EVC2: variants seen among roughly 807,000 people sequenced by gnomAD.
EVC2 encodes limbin.
Under a neutral mutation model 149.3 loss-of-function variants are expected in EVC2, and 148 were observed. That is an observed-to-expected ratio of 0.99 (90% CI 0.87 to 1.14). The LOEUF is 1.14. EVC2 is among the 50% of genes most tolerant of loss of function. The pLI is 0.00. For synonymous variants in EVC2, 776 were observed against 649.9 expected, an observed-to-expected ratio of 1.19 and a Z score of -2.95; for missense variants, 1,854 against 1,627.3, an observed-to-expected ratio of 1.14 and a Z score of -2.40.
rs193141240 is a variant in EVC2 at position 5,671,072 on chromosome 4, A to G, written c.871-5423T>C. Among the ~76,000 whole-genome samples the G allele has an allele frequency of 2.0e-3, 309 of 152,364 alleles. 4 individuals carry two copies. Among genetic ancestry groups the G allele is most frequent in the Non-Finnish European group, 1.9e-3 (129 of 68,026 alleles). ...ATACTAAGCACCAGGGATGGATCCA[A>G]GTGCTTTACATGTATTAATCCATTT... On this transcript the variant is annotated intron_variant, in intron 7 of 21. Coordinates refer to ENST00000344408, the MANE Select transcript of EVC2 (RefSeq NM_147127.5).
intron 17 of EVC2, among the ~76,000 whole-genome samples, chr4:5,582,839 T>C (rs903116924): frequency 3.9e-5 from 6 of 152,174 alleles, no homozygotes; most frequent in Non-Finnish European, 2.9e-5. Flanking sequence ...TTATGAGATC[T>C]GGTTGTTTAA....
chr4:5,592,095 T>C (rs1292068060), intron 16 of EVC2, among the ~76,000 whole-genome samples: 1 of 152,164 alleles, frequency 6.6e-6, no homozygotes, highest in Non-Finnish European at 1.5e-5. Flanking sequence ...TACAACTAGA[T>C]GCAAGGGTGA....
At chr4:5,611,713 G>A (rs1047231543) in intron 16 of EVC2, among the ~76,000 whole-genome samples, 1 of 152,056 alleles carries the variant, frequency 6.6e-6, no homozygotes, top group Non-Finnish European at 1.5e-5. Context: ...AAAAGGCAAA[G>A]AAAACAATAT....
At chr4:5,595,690 C>G (rs551281312) in intron 16 of EVC2, among the ~76,000 whole-genome samples, 8 of 152,108 alleles carry the variant, frequency 5.3e-5, no homozygotes, top group African/African-American at 1.9e-4. Context: ...CTAACATCAT[C>G]ATGACAGGAT....
At chr4:5,653,530 T>C (rs1718288968) in intron 9 of EVC2, among the ~76,000 whole-genome samples, 2 of 152,174 alleles carry the variant, frequency 1.3e-5, no homozygotes, top group South Asian at 2.1e-4. Flanking sequence ...GCTGGGACAA[T>C]GCTCTTTCCC....
At chr4:5,588,680 G>A (rs948406117) in intron 16 of EVC2, among the ~76,000 whole-genome samples, 3 of 152,062 alleles carry the variant, frequency 2.0e-5, no homozygotes, top group Admixed American at 2.0e-4. Context: ...GTGTGTGTGT[G>A]TATATTCAAA....
At chr4:5,579,944 G>A (rs144329825) in intron 17 of EVC2, among the ~76,000 whole-genome samples, 136 of 152,214 alleles carry the variant, frequency 8.9e-4, no homozygotes, top group African/African-American at 2.8e-3. Flanking sequence ...ATTTGTTTGG[G>A]GTCACATTAT....
chr4:5,672,961 A>T (rs1343647043), intron 7 of EVC2, among the ~76,000 whole-genome samples: 1 of 152,198 alleles, frequency 6.6e-6, no homozygotes, highest in African/African-American at 2.4e-5. Flanking sequence ...CAGAGACAGA[A>T]GCAGATGAGT....
At chr4:5,668,734 C>T (rs1014609414) in intron 7 of EVC2, among the ~76,000 whole-genome samples, 4 of 152,062 alleles carry the variant, frequency 2.6e-5, no homozygotes, top group African/African-American at 9.7e-5. Context: ...TTTTCATCTT[C>T]GAGAAGAGGG....
Position 5,582,936 on chromosome 4 carries a change from T to A in EVC2, c.3057+1687A>T, listed in dbSNP as rs1027899956. On this transcript the variant is annotated intron_variant, in intron 17 of 21. Coordinates refer to ENST00000344408, the MANE Select transcript of EVC2 (RefSeq NM_147127.5). Reference sequence around the variant, plus strand: ...CTTCCCCTTCACCTTCTACCATGATTGTAAGTTTCCTGAGTCCTCCCCAGA... The same window carrying A: ...CTTCCCCTTCACCTTCTACCATGATAGTAAGTTTCCTGAGTCCTCCCCAGA... 4.6e-5 allele frequency among the ~76,000 whole-genome samples: 7 copies of A among 152,200 alleles called. No homozygotes were observed. The South Asian group carries it at 1.4e-3, about 32-fold the overall frequency.
At chr4:5,607,942 A>C (rs1478872768) in intron 16 of EVC2, among the ~76,000 whole-genome samples, 1 of 151,768 alleles carries the variant, frequency 6.6e-6, no homozygotes, top group Admixed American at 6.6e-5. Context: ...GAGAAAGGGG[A>C]GGAGACAGGG....
chr4:5,570,568 A>G (rs900141311), intron 19 of EVC2, among the ~76,000 whole-genome samples: 1 of 152,262 alleles, frequency 6.6e-6, no homozygotes, highest in African/African-American at 2.4e-5. Context: ...TAGTTCAACC[A>G]CTATGGAAAA....
At chr4:5,535,087 C>A in the EVC2 span, among the ~76,000 whole-genome samples, 1 of 152,144 alleles carries the variant, frequency 6.6e-6, no homozygotes, top group East Asian at 1.9e-4. The surrounding 1 kb of genome is among the most constrained non-coding windows in gnomAD (Gnocchi z 4.7). Context: ...CCGCCACCCC[C>A]AGACTCCTCA....
At chr4:5,630,122 C>T (rs955343940) in intron 11 of EVC2, among the ~76,000 whole-genome samples, 3 of 152,180 alleles carry the variant, frequency 2.0e-5, no homozygotes, top group African/African-American at 7.2e-5. Context: ...TTTATGTATG[C>T]TCACTGAGGA....
chr4:5,611,231 G>A (rs1480903345), intron 16 of EVC2, among the ~76,000 whole-genome samples: 2 of 152,168 alleles, frequency 1.3e-5, no homozygotes, highest in East Asian at 1.9e-4. Context: ...CACATGCCTG[G>A]TGGTGGACCC....
Position 5,562,445 on chromosome 4 carries a change from C to T in EVC2, c.*403G>A, listed in dbSNP as rs538386655. On this transcript the variant is annotated 3_prime_UTR_variant, in exon 22 of 22. Transcript: ENST00000344408. This position sits in a 1 kb window ranked among gnomAD's most constrained non-coding sequence, Gnocchi z 4.3. Reference sequence around the variant, plus strand: ...GGGTTTTGTAATAAACAGCTTTGTGCAAAACACATTTATTTTTTAAAATTC... The same window carrying T: ...GGGTTTTGTAATAAACAGCTTTGTGTAAAACACATTTATTTTTTAAAATTC... 5.7e-6 allele frequency: 6 copies of T among 1,052,256 alleles called. No homozygotes were observed. Among genetic ancestry groups the T allele is most frequent in the Non-Finnish European group, 6.9e-6 (6 of 865,296 alleles). 65.2% of individuals were successfully genotyped at this position (1,052,256 alleles called of 1,614,324 possible). A position where few individuals can be genotyped will look rare whatever the true frequency, so the allele number is the denominator to read the frequency against.
Position 5,698,896 on chromosome 4 carries a change from G to C in EVC2, c.229-1249C>G, listed in dbSNP as rs1721652867. Among the ~76,000 whole-genome samples, 3 of 152,232 alleles carry C rather than the reference G, an allele frequency of 2.0e-5. No individual in the cohort carries two copies. The South Asian group carries it at 6.2e-4, about 31-fold the overall frequency. On this transcript the variant is annotated intron_variant, in intron 1 of 21. Coordinates refer to ENST00000344408, the MANE Select transcript of EVC2 (RefSeq NM_147127.5). ...GCTTTGGGTCCAGTTCCAATGACTAGTCCATGTGGCTACTGTTCACATGGC... is the reference window on the plus strand; with the variant it reads ...GCTTTGGGTCCAGTTCCAATGACTACTCCATGTGGCTACTGTTCACATGGC...
At chr4:5,560,572 G>T, downstream of EVC2, among the ~76,000 whole-genome samples, 1 of 152,114 alleles carries the variant, frequency 6.6e-6, no homozygotes, top group East Asian at 1.9e-4. The surrounding 1 kb of genome is among the most constrained non-coding windows in gnomAD (Gnocchi z 4.1). Context: ...CCACCACCTG[G>T]TCCTGCCCTT....
intron 1 of EVC2, among the ~76,000 whole-genome samples, chr4:5,702,279 C>G (rs996501075): frequency 2.0e-5 from 3 of 152,194 alleles, no homozygotes; most frequent in Non-Finnish European, 2.9e-5. Context: ...GTGTACATCT[C>G]TACAGCCCCA....
Sources: gnomAD v4.1 joint callset for allele counts (sites outside exome capture counted in the v4.1 genomes callset) on GRCh38, gnomAD v4.1.1 for gene constraint, Gnocchi (gnomAD v3.1) non-coding constraint, MANE v1.5 for transcripts, NCBI Gene and HGNC (gene_info 2026-07-23, HGNC 2026-07-21) for gene names.